Variants in WWOX observed in about 807,000 individuals in gnomAD.
WWOX encodes WW domain containing oxidoreductase.
Under a neutral mutation model 46.2 loss-of-function variants are expected in WWOX, and 69 were observed. The observed-to-expected ratio is 1.49, with a 90% confidence interval of 1.23 to 1.82. WWOX has a LOEUF of 1.82. WWOX is among the 40% of genes most tolerant of loss of function. WWOX has a pLI of 0.00. For missense variants in WWOX, 919 were observed against 542.6 expected (o/e 1.69, Z -6.89); for synonymous variants, 359 against 202.6 (o/e 1.77, Z -6.56).
chr16:78,837,005 A>G (rs778383499), intron 8 of WWOX, among the ~76,000 whole-genome samples: 1 of 152,170 alleles, frequency 6.6e-6, no homozygotes, highest in Non-Finnish European at 1.5e-5. Flanking sequence ...TAGAACATAG[A>G]AGCCGCTTCT....
chr16:79,046,091 T>C (rs1338653693), intron 8 of WWOX, among the ~76,000 whole-genome samples: 1 of 152,172 alleles, frequency 6.6e-6, no homozygotes, highest in East Asian at 1.9e-4. Flanking sequence ...CATAAGCCAC[T>C]GCACCCGGCC....
chr16:78,457,035 T>C (rs1457398893), intron 8 of WWOX, among the ~76,000 whole-genome samples: 1 of 152,234 alleles, frequency 6.6e-6, no homozygotes, highest in Non-Finnish European at 1.5e-5. Flanking sequence ...GTTAATTTGA[T>C]GTTGAAATGT....
intron 8 of WWOX, among the ~76,000 whole-genome samples, chr16:78,597,505 A>G (rs920616914): frequency 6.6e-6 from 1 of 152,138 alleles, no homozygotes; most frequent in African/African-American, 2.4e-5. Context: ...CCACCCCACA[A>G]TATGCTTTGC....
At chr16:79,136,234 CT>C (rs1223038831) in intron 8 of WWOX, among the ~76,000 whole-genome samples, 4,822 of 141,924 alleles carry the variant, frequency 0.034, 173 homozygotes, top group African/African-American at 0.11. Flanking sequence ...GTCACTTCTT[CT>C]TTTTTTTTTT....
intron 8 of WWOX, among the ~76,000 whole-genome samples, chr16:79,030,538 C>A (rs2151394714): frequency 6.6e-6 from 1 of 152,318 alleles, no homozygotes; most frequent in South Asian, 2.1e-4. Context: ...AGGCGTGATC[C>A]CTAACAGCTT....
chr16:78,400,241 CTGTT>C lies in WWOX; in HGVS notation c.605+13297_605+13300del, dbSNP rs1450723150. Among the ~76,000 whole-genome samples the C allele has an allele frequency of 8.5e-5, 13 of 152,254 alleles. No homozygotes were observed. In the South Asian group the frequency reaches 1.0e-3, roughly 12 times the overall value. ...AACCAAAAACAGGAGGAAAAGGTCT[CTGTT>C]TGTCTCAGAAGTACAAGTTATGCAT... On this transcript the variant is annotated intron_variant, in intron 6 of 8. Transcript: ENST00000566780.
intron 5 of WWOX, among the ~76,000 whole-genome samples, chr16:78,323,963 G>A (rs762949531): frequency 3.3e-5 from 5 of 152,138 alleles, no homozygotes; most frequent in Non-Finnish European, 5.9e-5. Flanking sequence ...TGGGCACTGT[G>A]CTAGGCATTT....
chr16:78,980,298 A>G (rs530928524), intron 8 of WWOX, among the ~76,000 whole-genome samples: 1 of 152,330 alleles, frequency 6.6e-6, no homozygotes, highest in East Asian at 1.9e-4. Flanking sequence ...GTAGTTTGCC[A>G]AAGATGGCTC....
intron 8 of WWOX, among the ~76,000 whole-genome samples, chr16:78,941,436 A>G (rs919959892): frequency 2.7e-5 from 4 of 150,606 alleles, no homozygotes; most frequent in African/African-American, 7.3e-5. Flanking sequence ...TCGTAAGCGC[A>G]TCATTACCTT....
rs184281355 is a variant in WWOX at position 79,117,476 on chromosome 16, C to T, written c.1057-94132C>T. On this transcript the variant is annotated intron_variant, in intron 8 of 8. Transcript: ENST00000566780. ...TAGGTTTAGCATAATTCTTAAGGAC[C>T]CTAGGATTTTGGGAATGGTAAATGA... is the stretch of plus-strand genomic sequence containing the variant. 1.2e-3 allele frequency among the ~76,000 whole-genome samples: 182 copies of T among 152,248 alleles called. 1 individual carries two copies. Among genetic ancestry groups the T allele is most frequent in the African/African-American group, 4.1e-3 (169 of 41,532 alleles).
At chr16:78,204,442 G>A (rs2036328280) in intron 5 of WWOX, among the ~76,000 whole-genome samples, 1 of 152,100 alleles carries the variant, frequency 6.6e-6, no homozygotes, top group African/African-American at 2.4e-5. Context: ...ATATAAAAAT[G>A]TACAGTTTAA....
chr16:79,040,088 C>G (rs2047941526), intron 8 of WWOX, among the ~76,000 whole-genome samples: 1 of 152,114 alleles, frequency 6.6e-6, no homozygotes, highest in African/African-American at 2.4e-5. Flanking sequence ...GTATAATAAT[C>G]ATTCCTACCC....
chr16:78,150,101 C>G (rs2034347111), intron 4 of WWOX, among the ~76,000 whole-genome samples: 1 of 152,162 alleles, frequency 6.6e-6, no homozygotes, highest in African/African-American at 2.4e-5. Flanking sequence ...TTGTCAAGTG[C>G]ACTTCTGACT....
chr16:78,730,925 C>A (rs2048955561), intron 8 of WWOX, among the ~76,000 whole-genome samples: 1 of 152,072 alleles, frequency 6.6e-6, no homozygotes, highest in Non-Finnish European at 1.5e-5. Flanking sequence ...ATTCAGATCA[C>A]TTTGTTTGTT....
chr16:78,849,599 A>G (rs1252175800), intron 8 of WWOX, among the ~76,000 whole-genome samples: 1 of 150,190 alleles, frequency 6.7e-6, no homozygotes, highest in East Asian at 1.9e-4. Flanking sequence ...AAAAGAAAAC[A>G]ACTACAACCA....
chr16:78,434,823 A>G (rs2083300228), intron 8 of WWOX, among the ~76,000 whole-genome samples: 1 of 152,168 alleles, frequency 6.6e-6, no homozygotes, highest in South Asian at 2.1e-4. Context: ...ATGAGGAGTC[A>G]TTGATAGAAA....
intron 8 of WWOX, among the ~76,000 whole-genome samples, chr16:79,030,158 A>T (rs150492299): frequency 6.6e-6 from 1 of 152,238 alleles, no homozygotes; most frequent in Non-Finnish European, 1.5e-5. Context: ...AATGAAGTCT[A>T]ATTTTCCGTT....
chr16:78,952,358 T>A (rs1373602007), intron 8 of WWOX, among the ~76,000 whole-genome samples: 1 of 151,670 alleles, frequency 6.6e-6, no homozygotes, highest in Non-Finnish European at 1.5e-5. Context: ...GCTGCAGTTT[T>A]ACATTTTTGT....
intron 8 of WWOX, among the ~76,000 whole-genome samples, chr16:79,043,184 A>G (rs1410716510): frequency 6.6e-6 from 1 of 151,814 alleles, no homozygotes; most frequent in Non-Finnish European, 1.5e-5. Context: ...GAATGGCCAC[A>G]TGAGTGTTTT....
Sources: gnomAD v4.1 joint callset for allele counts (sites outside exome capture counted in the v4.1 genomes callset) on GRCh38, gnomAD v4.1.1 for gene constraint, MANE v1.5 for transcripts, NCBI Gene and HGNC (gene_info 2026-07-23, HGNC 2026-07-21) for gene names.